REDIC1: variants seen among roughly 807,000 people sequenced by gnomAD.
The protein encoded by REDIC1 is HEI10 Interacting Protein 1.
At chr12:39,840,039 G>A in the REDIC1 span, among the ~76,000 whole-genome samples, 1 of 150,522 alleles carries the variant, frequency 6.6e-6, no homozygotes, top group Admixed American at 6.6e-5. Context: ...TTTTTGTTTT[G>A]TTTTGTTTTT....
At chr12:39,677,027 G>GA in the REDIC1 span, among the ~76,000 whole-genome samples, 2,356 of 141,564 alleles carry the variant, frequency 0.017, 58 homozygotes, top group African/African-American at 0.054. Context: ...ATAACACAAT[G>GA]AAAAAAAAAA....
chr12:39,736,308 A>C, the REDIC1 span, among the ~76,000 whole-genome samples: 1 of 152,200 alleles, frequency 6.6e-6, no homozygotes, highest in Non-Finnish European at 1.5e-5. Flanking sequence ...GTCTGTAGTA[A>C]TTATCCTATG....
chr12:39,787,321 A>G, the REDIC1 span, among the ~76,000 whole-genome samples: 1 of 152,220 alleles, frequency 6.6e-6, no homozygotes, highest in Non-Finnish European at 1.5e-5. Context: ...GTATTAAAAT[A>G]ACAGTAATTA....
the REDIC1 span, chr12:39,864,916 T>C: frequency 6.3e-7 from 1 of 1,579,364 alleles, no homozygotes; most frequent in Non-Finnish European, 8.6e-7. Flanking sequence ...TAGAGAAGAG[T>C]TGACAATATT....
At chr12:39,810,650 CCAT>C in the REDIC1 span, among the ~76,000 whole-genome samples, 2 of 152,100 alleles carry the variant, frequency 1.3e-5, no homozygotes, top group Non-Finnish European at 2.9e-5. Flanking sequence ...AAGTTTCCTT[CCAT>C]TACCAGCCTT....
chr12:39,850,068 C>G, the REDIC1 span, among the ~76,000 whole-genome samples: 1 of 152,210 alleles, frequency 6.6e-6, no homozygotes, highest in South Asian at 2.1e-4. Context: ...CATGCTATCC[C>G]TCTTTCTGCA....
chr12:39,752,303 A>G, the REDIC1 span, among the ~76,000 whole-genome samples: 1 of 152,120 alleles, frequency 6.6e-6, no homozygotes, highest in Admixed American at 6.5e-5. Flanking sequence ...TTATGGGAGC[A>G]CAAACCCTAT....
the REDIC1 span, among the ~76,000 whole-genome samples, chr12:39,700,445 C>A: frequency 6.6e-6 from 1 of 151,988 alleles, no homozygotes; most frequent in Non-Finnish European, 1.5e-5. Flanking sequence ...GTGAAAAGAC[C>A]AAATCTACAT....
At chr12:39,713,542 G>T in the REDIC1 span, among the ~76,000 whole-genome samples, 1 of 148,716 alleles carries the variant, frequency 6.7e-6, no homozygotes, top group Admixed American at 6.7e-5. Flanking sequence ...ACGTACATAC[G>T]TATACATGCG....
At chr12:39,752,619 C>T in the REDIC1 span, among the ~76,000 whole-genome samples, 2 of 152,064 alleles carry the variant, frequency 1.3e-5, no homozygotes, top group Non-Finnish European at 2.9e-5. Context: ...TTGCATTACA[C>T]AGAGTCAAAG....
At chr12:39,821,674 A>G in the REDIC1 span, among the ~76,000 whole-genome samples, 1,926 of 152,286 alleles carry the variant, frequency 0.013, 38 homozygotes, top group African/African-American at 0.043. Context: ...CGAAGAGGGA[A>G]AAGAGGACGT....
the REDIC1 span, among the ~76,000 whole-genome samples, chr12:39,678,666 T>C: frequency 2.1e-5 from 3 of 142,766 alleles, no homozygotes; most frequent in South Asian, 6.7e-4. Context: ...TATAGACCAA[T>C]ATTCCTGATG....
At chr12:39,799,886 G>A in the REDIC1 span, among the ~76,000 whole-genome samples, 1 of 152,196 alleles carries the variant, frequency 6.6e-6, no homozygotes, top group Non-Finnish European at 1.5e-5. Context: ...GGTGCAGAGA[G>A]AATCAAATTT....
the REDIC1 span, among the ~76,000 whole-genome samples, chr12:39,674,581 G>T: frequency 7.9e-5 from 12 of 152,278 alleles, no homozygotes; most frequent in South Asian, 1.7e-3. Context: ...AAAGTGTGAG[G>T]GGGGGATAGC....
chr12:39,808,865 G>A, the REDIC1 span, among the ~76,000 whole-genome samples: 4 of 151,812 alleles, frequency 2.6e-5, no homozygotes. Flanking sequence ...CTGTGGCTTG[G>A]GCTTTGTATT....
chr12:39,713,797 A>G, the REDIC1 span, among the ~76,000 whole-genome samples: 2,062 of 148,972 alleles, frequency 0.014, 64 homozygotes, highest in African/African-American at 0.048. Context: ...ACATAGATGT[A>G]TATATGCATG....
chr12:39,806,920 C>G, the REDIC1 span, among the ~76,000 whole-genome samples: 2 of 152,036 alleles, frequency 1.3e-5, no homozygotes, highest in Non-Finnish European at 2.9e-5. Context: ...CTGACACATA[C>G]AACATGAATC....
chr12:39,706,839 T>C, the REDIC1 span, among the ~76,000 whole-genome samples: 2 of 152,030 alleles, frequency 1.3e-5, no homozygotes, highest in African/African-American at 2.4e-5. Flanking sequence ...TCTCTCACCA[T>C]ATACAAAAAT....
chr12:39,828,739 C>G, the REDIC1 span, among the ~76,000 whole-genome samples: 2 of 150,300 alleles, frequency 1.3e-5, no homozygotes, highest in African/African-American at 4.9e-5. Context: ...TTGGCAAAAA[C>G]AAAACTCTAA....
Sources: allele counts gnomAD v4.1 joint callset (sites outside exome capture counted in the v4.1 genomes callset), GRCh38; gene constraint gnomAD v4.1.1; transcripts MANE v1.5; gene names NCBI Gene and HGNC (gene_info 2026-07-23, HGNC 2026-07-21).